LINGO2: variants seen among roughly 807,000 people sequenced by gnomAD.
LINGO2 encodes the protein leucine-rich repeat and immunoglobulin-like domain-containing nogo receptor-interacting protein 2.
A neutral mutation model predicts 30.6 loss-of-function variants in LINGO2; 14 were observed. The observed-to-expected ratio is 0.46, with a 90% CI of 0.30 to 0.72. The LOEUF (loss-of-function observed/expected upper bound fraction) is 0.72. Among genes scored for constraint, LINGO2 ranks in the 30% least tolerant of loss-of-function variants. The pLI is 0.07. For missense variants in LINGO2, 729 were observed against 751.7 expected, an observed-to-expected ratio of 0.97 and a Z score of 0.35; for synonymous variants, 317 against 288.5, an observed-to-expected ratio of 1.10 and a Z score of -1.00.
chr9:29,164,339 C>T, the LINGO2 span, among the ~76,000 whole-genome samples: 1 of 152,076 alleles, frequency 6.6e-6, no homozygotes, highest in Non-Finnish European at 1.5e-5. Flanking sequence ...GTATCTGATG[C>T]CGTAGTAGAT....
intron 4 of LINGO2, among the ~76,000 whole-genome samples, chr9:28,169,198 C>T (rs1282048405): frequency 1.3e-5 from 2 of 152,162 alleles, no homozygotes; most frequent in Non-Finnish European, 2.9e-5. Flanking sequence ...TCAATTCACT[C>T]TCCCACATAG....
the LINGO2 span, among the ~76,000 whole-genome samples, chr9:28,923,733 C>T: frequency 6.6e-6 from 1 of 152,128 alleles, no homozygotes; most frequent in Non-Finnish European, 1.5e-5. Flanking sequence ...GAGGGAAAAA[C>T]CTGGTCTAGT....
the LINGO2 span, among the ~76,000 whole-genome samples, chr9:28,706,703 A>G: frequency 6.6e-6 from 1 of 152,216 alleles, no homozygotes; most frequent in East Asian, 1.9e-4. Context: ...AAGTTCTACA[A>G]AGCATTTTAG....
the LINGO2 span, among the ~76,000 whole-genome samples, chr9:29,031,896 T>C: frequency 6.6e-6 from 1 of 152,140 alleles, no homozygotes; most frequent in Non-Finnish European, 1.5e-5. Flanking sequence ...TTCAATTTCA[T>C]AGGGAAATAG....
chr9:28,903,833 C>T, the LINGO2 span, among the ~76,000 whole-genome samples: 1 of 152,162 alleles, frequency 6.6e-6, no homozygotes, highest in South Asian at 2.1e-4. Context: ...TTTTCCAAAG[C>T]ACTGAAGAAG....
chr9:29,148,351 G>A, the LINGO2 span, among the ~76,000 whole-genome samples: 1 of 152,002 alleles, frequency 6.6e-6, no homozygotes, highest in Non-Finnish European at 1.5e-5. Flanking sequence ...TCTCACATGT[G>A]GCCCTATTCA....
chr9:28,979,460 A>G, the LINGO2 span, among the ~76,000 whole-genome samples: 1 of 151,676 alleles, frequency 6.6e-6, no homozygotes, highest in Non-Finnish European at 1.5e-5. Flanking sequence ...GTCCAAATAT[A>G]TCACATATAT....
At chr9:28,796,488 G>C in the LINGO2 span, among the ~76,000 whole-genome samples, 1 of 152,020 alleles carries the variant, frequency 6.6e-6, no homozygotes, top group Non-Finnish European at 1.5e-5. Flanking sequence ...CTATATAAAT[G>C]AGTGCTTAAT....
At chr9:28,021,772 A>T (rs1823136898) in intron 4 of LINGO2, among the ~76,000 whole-genome samples, 1 of 152,072 alleles carries the variant, frequency 6.6e-6, no homozygotes, top group Admixed American at 6.6e-5. Context: ...TTCTGAAGTC[A>T]GTTTCGTTTA....
chr9:27,975,690 T>C (rs915464182), intron 5 of LINGO2, among the ~76,000 whole-genome samples: 1 of 152,130 alleles, frequency 6.6e-6, no homozygotes, highest in Admixed American at 6.6e-5. Context: ...CATTGTACTT[T>C]TAAAAAACCT....
At chr9:28,953,713 G>T in the LINGO2 span, among the ~76,000 whole-genome samples, 1 of 151,994 alleles carries the variant, frequency 6.6e-6, no homozygotes, top group South Asian at 2.1e-4. Flanking sequence ...AGAAAAGAAA[G>T]AGATTTTTAC....
chr9:29,161,812 G>A, the LINGO2 span, among the ~76,000 whole-genome samples: 1 of 152,026 alleles, frequency 6.6e-6, no homozygotes, highest in Non-Finnish European at 1.5e-5. Context: ...AACTATAAGG[G>A]TTTTACTTTC....
At chr9:28,650,375 C>A (rs775237967) in intron 1 of LINGO2, among the ~76,000 whole-genome samples, 1 of 152,054 alleles carries the variant, frequency 6.6e-6, no homozygotes, top group Non-Finnish European at 1.5e-5. Context: ...TCTCCAAATT[C>A]GCAAATGTAG....
At chr9:28,167,227 C>A (rs1001173248) in intron 4 of LINGO2, among the ~76,000 whole-genome samples, 1 of 147,488 alleles carries the variant, frequency 6.8e-6, no homozygotes, top group Non-Finnish European at 1.5e-5. Context: ...TTCTACTCAA[C>A]TTTGTAAGAT....
chr9:28,811,994 T>G, the LINGO2 span, among the ~76,000 whole-genome samples: 1 of 152,158 alleles, frequency 6.6e-6, no homozygotes, highest in African/African-American at 2.4e-5. Context: ...CTGTACAGTT[T>G]TCTACATTTA....
chr9:28,713,882 G>A, the LINGO2 span, among the ~76,000 whole-genome samples: 3 of 152,060 alleles, frequency 2.0e-5, no homozygotes, highest in African/African-American at 7.2e-5. Flanking sequence ...CTGGGGCTGG[G>A]CATGGTGGCT....
chr9:28,826,130 A>C, the LINGO2 span, among the ~76,000 whole-genome samples: 1 of 152,134 alleles, frequency 6.6e-6, no homozygotes, highest in Non-Finnish European at 1.5e-5. Flanking sequence ...AGAACGACAT[A>C]CCAACCAATC....
chr9:28,956,318 A>G, the LINGO2 span, among the ~76,000 whole-genome samples: 1 of 152,262 alleles, frequency 6.6e-6, no homozygotes, highest in South Asian at 2.1e-4. Context: ...TACCAGCACC[A>G]GCTGCTGTGA....
intron 4 of LINGO2, among the ~76,000 whole-genome samples, chr9:28,175,674 C>A (rs1156684872): frequency 2.6e-5 from 4 of 152,100 alleles, no homozygotes; most frequent in African/African-American, 9.7e-5. Flanking sequence ...GGGACCCTAT[C>A]CAGGAATATG....
Sources: allele counts gnomAD v4.1 joint callset (sites outside exome capture counted in the v4.1 genomes callset), GRCh38; gene constraint gnomAD v4.1.1; transcripts MANE v1.5; gene names NCBI Gene and HGNC (gene_info 2026-07-23, HGNC 2026-07-21).